Variants in CAMK1D observed in about 807,000 individuals in gnomAD.
CAMK1D encodes calcium/calmodulin dependent protein kinase ID.
CAMK1D carries 9 observed loss-of-function variants against 47.7 expected under a neutral mutation model. The ratio of observed to expected loss-of-function variants is 0.19; its 90% CI spans 0.11 to 0.33. The LOEUF is 0.33. Among genes scored for constraint, CAMK1D ranks in the 10% least tolerant of loss-of-function variants. The pLI is 1.00. For synonymous variants in CAMK1D, 184 were observed against 184.9 expected, an observed-to-expected ratio of 0.99 and a Z score of 0.04; for missense variants, 291 against 488.7, an observed-to-expected ratio of 0.60 and a Z score of 3.81.
At chr10:12,527,220 T>A (rs575896439) in intron 1 of CAMK1D, among the ~76,000 whole-genome samples, 5 of 151,996 alleles carry the variant, frequency 3.3e-5, no homozygotes, top group South Asian at 4.2e-4. Flanking sequence ...AAGAAAAAAA[T>A]TTCCTGGGCC....
At chr10:12,495,980 A>AC (rs1834526639) in intron 1 of CAMK1D, among the ~76,000 whole-genome samples, 1 of 152,012 alleles carries the variant, frequency 6.6e-6, no homozygotes, top group East Asian at 1.9e-4. Context: ...TGTGTGCGCC[A>AC]CTGTGCCCTC....
chr10:12,813,848 C>T (rs924595259), intron 6 of CAMK1D, among the ~76,000 whole-genome samples: 1 of 152,030 alleles, frequency 6.6e-6, no homozygotes, highest in African/African-American at 2.4e-5. Flanking sequence ...GGAACCTCCA[C>T]CTCCCAGGCT....
chr10:12,657,650 G>A (rs1840156496), intron 2 of CAMK1D, among the ~76,000 whole-genome samples: 1 of 152,182 alleles, frequency 6.6e-6, no homozygotes, highest in Admixed American at 6.5e-5. Context: ...TCTGTGTTCT[G>A]TGGTTCAGAT....
intron 1 of CAMK1D, among the ~76,000 whole-genome samples, chr10:12,464,252 G>C (rs1443759585): frequency 3.9e-5 from 6 of 152,164 alleles, no homozygotes; most frequent in Non-Finnish European, 7.3e-5. Context: ...CAGATACCTA[G>C]CAGAGGCCTC....
intron 2 of CAMK1D, among the ~76,000 whole-genome samples, chr10:12,624,027 T>C (rs1217045628): frequency 6.6e-6 from 1 of 152,148 alleles, no homozygotes; most frequent in African/African-American, 2.4e-5. Context: ...TGCAGTGAGC[T>C]GAGATCTTGC....
chr10:12,794,267 G>A (rs921099206), intron 6 of CAMK1D, among the ~76,000 whole-genome samples: 7 of 152,112 alleles, frequency 4.6e-5, no homozygotes, highest in African/African-American at 1.2e-4. Flanking sequence ...TAACTGTGTC[G>A]ATGGTTAAGA....
In CAMK1D at chr10:12,425,262, T is replaced by A. The variant is rs552123636; in HGVS notation, c.92+75352T>A. ...TTCAGCACTAGATAAGGTGCCCCTT[T>A]CTTTTCTTTCTTTCTTTCTTTCTTT... On this transcript the variant is annotated intron_variant, in intron 1 of 10. Transcript: ENST00000619168. Among the ~76,000 whole-genome samples the A allele has an allele frequency of 1.2e-4, 18 of 148,794 alleles. No individual in the cohort carries two copies. The South Asian group carries it at 3.7e-3, about 30-fold the overall frequency.
chr10:12,821,190 C>T (rs184710075), intron 8 of CAMK1D, among the ~76,000 whole-genome samples: 16 of 152,246 alleles, frequency 1.1e-4, no homozygotes, highest in African/African-American at 3.6e-4. Flanking sequence ...TCATGAGGGC[C>T]GTCGACTGAT....
At chr10:12,629,588 T>C (rs1246858472) in intron 2 of CAMK1D, among the ~76,000 whole-genome samples, 1 of 152,174 alleles carries the variant, frequency 6.6e-6, no homozygotes, top group African/African-American at 2.4e-5. Context: ...GGGTCCTGAT[T>C]ATAGTCATCG....
chr10:12,517,719 A>G (rs1360208854), intron 1 of CAMK1D, among the ~76,000 whole-genome samples: 1 of 146,814 alleles, frequency 6.8e-6, no homozygotes, highest in African/African-American at 2.5e-5. Context: ...TGAAATGCAT[A>G]TCACGTAGTT....
intron 2 of CAMK1D, among the ~76,000 whole-genome samples, chr10:12,593,004 A>G (rs116765630): frequency 0.018 from 2,691 of 152,116 alleles, 73 homozygotes; most frequent in African/African-American, 0.062. Context: ...TAGGGTTCCT[A>G]TTTTCCTCTT....
chr10:12,623,188 C>G (rs1268462986), intron 2 of CAMK1D, among the ~76,000 whole-genome samples: 2 of 794 alleles, frequency 2.5e-3, no homozygotes, highest in African/African-American at 5.7e-3. Flanking sequence ...TCCCTCCGTC[C>G]CTCCGTCCCT....
chr10:12,580,751 G>A (rs1216141294), intron 2 of CAMK1D, among the ~76,000 whole-genome samples: 1 of 152,132 alleles, frequency 6.6e-6, no homozygotes, highest in African/African-American at 2.4e-5. Flanking sequence ...GCCAATGGTG[G>A]GAAATTAGGT....
At chr10:12,600,453 G>T (rs1286025654) in intron 2 of CAMK1D, among the ~76,000 whole-genome samples, 1 of 152,156 alleles carries the variant, frequency 6.6e-6, no homozygotes, top group Non-Finnish European at 1.5e-5. Context: ...GAATATAGAG[G>T]GGTCAGTGAA....
rs113921067 is a variant in CAMK1D at position 12,408,848 on chromosome 10, C to CTTTTT, written c.92+58952_92+58956dup. ...TTTTCGTTCATTTCTTTCTTTCTTT[C>CTTTTT]TTTTTTTTTTTTTTTTTTGTTCTGA... On this transcript the variant is annotated intron_variant, in intron 1 of 10. Transcript: ENST00000619168. Among the ~76,000 whole-genome samples the CTTTTT allele has an allele frequency of 3.4e-3, 418 of 121,834 alleles. 1 individual carries two copies. Among genetic ancestry groups the CTTTTT allele is most frequent in the Non-Finnish European group, 4.2e-3 (255 of 60,510 alleles). The allele number at this position is 121,834 out of a possible 152,430, so 79.9% of individuals were successfully genotyped here.
At chr10:12,408,563 G>A (rs1356140073) in intron 1 of CAMK1D, among the ~76,000 whole-genome samples, 1 of 152,196 alleles carries the variant, frequency 6.6e-6, no homozygotes, top group Non-Finnish European at 1.5e-5. Flanking sequence ...AAAGGTGGGT[G>A]CATCTCCAGT....
chr10:12,673,002 T>C (rs1053764471), intron 3 of CAMK1D, among the ~76,000 whole-genome samples: 25 of 148,488 alleles, frequency 1.7e-4, no homozygotes, highest in Admixed American at 1.6e-3. Context: ...GTTCAAGCAA[T>C]TCTTGTGCCT....
At chr10:12,357,758 G>T (rs562402396) in intron 1 of CAMK1D, among the ~76,000 whole-genome samples, 2 of 152,182 alleles carry the variant, frequency 1.3e-5, no homozygotes, top group Non-Finnish European at 2.9e-5. Context: ...CGTGGACTCC[G>T]GGAAAGATTC....
intron 1 of CAMK1D, among the ~76,000 whole-genome samples, chr10:12,363,947 G>A (rs903007356): frequency 6.6e-6 from 1 of 152,110 alleles, no homozygotes; most frequent in Non-Finnish European, 1.5e-5. Flanking sequence ...CGTGCCTCCA[G>A]TTCTTTTGGG....
Sources: allele counts gnomAD v4.1 joint callset (sites outside exome capture counted in the v4.1 genomes callset), GRCh38; gene constraint gnomAD v4.1.1; transcripts MANE v1.5; gene names NCBI Gene and HGNC (gene_info 2026-07-23, HGNC 2026-07-21).